Variants in LONRF2 observed in about 807,000 individuals in gnomAD.
The protein encoded by LONRF2 is LON peptidase N-terminal domain and RING finger protein 2.
Under a neutral mutation model 66.6 loss-of-function variants are expected in LONRF2, and 35 were observed. That is an observed-to-expected ratio of 0.53 (90% confidence interval 0.40 to 0.70). The LOEUF (loss-of-function observed/expected upper bound fraction) is 0.70. Ranked by LOEUF, LONRF2 falls within the 30% of genes least tolerant of loss-of-function variation. The pLI is 0.00. For missense variants in LONRF2, 902 were observed against 1,002.1 expected, an observed-to-expected ratio of 0.90 and a Z score of 1.35; for synonymous variants, 417 against 418.1, an observed-to-expected ratio of 1.00 and a Z score of 0.03.
chr2:100,321,686 C>A lies in LONRF2; in HGVS notation c.408G>T (p.Ala136=). The A allele has an allele frequency of 2.4e-6, 3 of 1,245,900 alleles. No homozygotes were observed. In the East Asian group the frequency reaches 1.0e-4, roughly 42 times the overall value. The allele number at this position is 1,245,900 out of a possible 1,614,324, so 77.2% of individuals were successfully genotyped here. A position where few individuals can be genotyped will look rare whatever the true frequency, so the allele number is the denominator to read the frequency against. Residue 136 remains alanine (A), a synonymous_variant, in exon 1 of 12, where the codon GCG becomes GCT. Transcript: ENST00000393437. ...GCGGGCAGCCGAGCAGGTCGCGGGGCGCGCGGGGCTCCGGGGCCGGCCCTC... is the reference window on the plus strand; with the variant it reads ...GCGGGCAGCCGAGCAGGTCGCGGGGAGCGCGGGGCTCCGGGGCCGGCCCTC... ...GEGGPAPEPR[A]PRDLLGCPRC... is the part of the protein sequence containing the mutation.
chr2:100,299,809 G>A lies in LONRF2; in HGVS notation c.1175C>T (p.Pro392Leu), dbSNP rs1253073795. 2.5e-6 allele frequency: 4 copies of A among 1,613,786 alleles called. 1 individual carries two copies. Among genetic ancestry groups the A allele is most frequent in the Middle Eastern group, 3.3e-4 (2 of 6,054 alleles). ...EDKKALESIL[P>L]TAPSAGLKRQ... The stretch of plus-strand genomic sequence containing the variant: ...CTTTAAGCCAGCGCTGGGTGCTGTT[G>A]GAAGGATGCTTTCTAACGCCTTTTT... Residue 392 changes from proline to leucine, a missense_variant, in exon 5 of 12, where the codon CCA becomes CTA. Around this residue, in one of 2 missense-constraint regions of LONRF2, gnomAD observed 585 missense variants for 569.9 expected, o/e 1.03. Coordinates refer to ENST00000393437, the MANE Select transcript of LONRF2 (RefSeq NM_198461.4).
At position 100,322,093 on chromosome 2, in the gene LONRF2, T is replaced by TCACCGCGGGGCTGCGA; in HGVS notation, c.-16_-1dup. The TCACCGCGGGGCTGCGA allele has an allele frequency of 7.9e-7, 1 of 1,265,586 alleles. No individual in the cohort carries two copies. The highest frequency in any genetic ancestry group is 9.9e-7 in the Non-Finnish European group (1 of 1,007,750). 78.4% of individuals were successfully genotyped at this position (1,265,586 alleles called of 1,614,324 possible). A position where few individuals can be genotyped will look rare whatever the true frequency, so the allele number is the denominator to read the frequency against. ...GGCGGCGGGACCGGCTCGGGGCTCA[T>TCACCGCGGGGCTGCGA]CACCGCGGGGCTGCGACGACGCGGG... On this transcript the variant is annotated 5_prime_UTR_variant, in exon 1 of 12. Transcript: ENST00000393437.
At chr2:100,288,965 C>G (rs544816510) in intron 10 of LONRF2, among the ~76,000 whole-genome samples, 6 of 152,146 alleles carry the variant, frequency 3.9e-5, no homozygotes, top group Non-Finnish European at 7.3e-5. Context: ...GAGAATCTCT[C>G]AAAACATTTT....
intron 2 of LONRF2, among the ~76,000 whole-genome samples, chr2:100,308,857 G>A (rs1028601279): frequency 6.6e-6 from 1 of 151,956 alleles, no homozygotes; most frequent in African/African-American, 2.4e-5. Flanking sequence ...TCAATGTAGA[G>A]AGCATATTAT....
At chr2:100,302,877 A>C (rs769298834) in intron 3 of LONRF2, 44 bp downstream of exon 3, 19 of 1,507,072 alleles carry the variant, frequency 1.3e-5, no homozygotes, top group Non-Finnish European at 1.7e-5. Context: ...CATGAAGGCT[A>C]TAAATAAGAC....
At chr2:100,318,059 C>T (rs1675541240) in intron 1 of LONRF2, among the ~76,000 whole-genome samples, 1 of 152,040 alleles carries the variant, frequency 6.6e-6, no homozygotes, top group African/African-American at 2.4e-5. Flanking sequence ...ATTTCTCTTG[C>T]CCTTCCCCTC....
Position 100,284,145 on chromosome 2 carries a change from C to G in LONRF2, c.*153G>C. 3.0e-6 allele frequency: 2 copies of G among 676,906 alleles called. No individual in the cohort carries two copies. Among genetic ancestry groups the G allele is most frequent in the African/African-American group, 3.7e-5 (2 of 54,650 alleles). The allele number at this position is 676,906 out of a possible 1,614,324, so 41.9% of individuals were successfully genotyped here. On this transcript the variant is annotated 3_prime_UTR_variant, in exon 12 of 12. Transcript: ENST00000393437. The stretch of plus-strand genomic sequence containing the variant: ...CAGATCCCACCAGACACAGAATTGT[C>G]ATTTTTGAGGAGGACTCAATGTTTG...
Position 100,321,681 on chromosome 2 carries a change from CG to C in LONRF2, c.412del (p.Arg138AlafsTer17). On this transcript the variant is annotated frameshift_variant, in exon 1 of 12. Coordinates refer to ENST00000393437, the MANE Select transcript of LONRF2 (RefSeq NM_198461.4). LOFTEE classifies it high-confidence loss of function. ...GGPAPEPRAP[R>X]DLLGCPRCRR... ...GCAGCGCGGGCAGCCGAGCAGGTCG[CG>C]GGGCGCGCGGGGCTCCGGGGCCGGC... 8.0e-7 allele frequency: 1 copy of C among 1,246,590 alleles called. No individual in the cohort carries two copies. The highest frequency in any genetic ancestry group is 1.0e-6 in the Non-Finnish European group (1 of 999,480). 77.2% of individuals were successfully genotyped at this position (1,246,590 alleles called of 1,614,324 possible).
At chr2:100,311,976 G>GT (rs1191773507) in intron 1 of LONRF2, among the ~76,000 whole-genome samples, 5 of 152,148 alleles carry the variant, frequency 3.3e-5, no homozygotes, top group Non-Finnish European at 7.4e-5. Context: ...ATATACATAT[G>GT]TAAGACTAGC....
chr2:100,297,832 A>T (rs576943323), intron 7 of LONRF2, among the ~76,000 whole-genome samples: 1 of 152,212 alleles, frequency 6.6e-6, no homozygotes, highest in Non-Finnish European at 1.5e-5. Flanking sequence ...ATGTGCATAC[A>T]ATGTTTTAGA....
rs1215755835 is a variant in LONRF2, at chr2:100,282,610, T to C, written c.*1688A>G. ...TAATGCCTAAGAAAGTTGAATACTA[T>C]TGTTAATGCATAAATTAATAAAATC... is the stretch of plus-strand genomic sequence containing the variant. On this transcript the variant is annotated 3_prime_UTR_variant, in exon 12 of 12. Coordinates refer to ENST00000393437, the MANE Select transcript of LONRF2 (RefSeq NM_198461.4). 1 of 152,240 alleles carries C rather than the reference T, an allele frequency of 6.6e-6. No individual in the cohort carries two copies. Among genetic ancestry groups the C allele is most frequent in the African/African-American group, 2.4e-5 (1 of 41,466 alleles). The allele number at this position is 152,240 out of a possible 1,614,324, so 9.4% of individuals were successfully genotyped here. A position where few individuals can be genotyped will look rare whatever the true frequency, so the allele number is the denominator to read the frequency against.
chr2:100,301,482 C>T (rs1014775778), intron 3 of LONRF2, among the ~76,000 whole-genome samples: 1 of 152,222 alleles, frequency 6.6e-6, no homozygotes, highest in Admixed American at 6.5e-5. Flanking sequence ...AAGGTGAGTG[C>T]GCTAGAATCC....
chr2:100,279,179 A>T lies in LONRF2; in HGVS notation c.*5119T>A, dbSNP rs1454658654. ...TGACACATGAACACCACGAGTCTCT[A>T]CTTATCCTTTACTGAACTATCAGTG... On this transcript the variant is annotated 3_prime_UTR_variant, in exon 12 of 12. Coordinates refer to ENST00000393437, the MANE Select transcript of LONRF2 (RefSeq NM_198461.4). 2 of 151,822 alleles carry T rather than the reference A, an allele frequency of 1.3e-5. No homozygotes were observed. The highest frequency in any genetic ancestry group is 4.8e-5 in the African/African-American group (2 of 41,274). 9.4% of individuals were successfully genotyped at this position (151,822 alleles called of 1,614,324 possible).
intron 7 of LONRF2, among the ~76,000 whole-genome samples, chr2:100,298,257 C>A (rs930541082): frequency 6.6e-6 from 1 of 152,074 alleles, no homozygotes; most frequent in Non-Finnish European, 1.5e-5. Flanking sequence ...CCATACCTAA[C>A]GTAAATGGAT....
intron 6 of LONRF2, 86 bp downstream of exon 6, chr2:100,299,140 G>A (rs1675127780): frequency 9.8e-7 from 1 of 1,015,924 alleles, no homozygotes; most frequent in Non-Finnish European, 1.5e-6. Context: ...TAGTTTCCGT[G>A]ATAATAAAAA....
rs10548679 is a variant in LONRF2, at chr2:100,298,118, TTA to T, written c.1476+716_1476+717del. Among the ~76,000 whole-genome samples the T allele has an allele frequency of 2.2e-3, 336 of 152,324 alleles. 2 individuals carry two copies. Among genetic ancestry groups the T allele is most frequent in the African/African-American group, 7.8e-3 (326 of 41,576 alleles). On this transcript the variant is annotated intron_variant, in intron 7 of 11. Transcript: ENST00000393437. ...AGATACTCCCCACCCCCTTAAGATG[TTA>T]TATGACTTGCTCCATAGAAAGTTCA...
Position 100,322,356 on chromosome 2 carries a change from G to A in LONRF2, c.-263C>T. 1 of 298,396 alleles carries A rather than the reference G, an allele frequency of 3.4e-6. No homozygotes were observed. Among genetic ancestry groups the A allele is most frequent in the African/African-American group, 2.2e-5 (1 of 45,400 alleles). The allele number at this position is 298,396 out of a possible 1,614,324, so 18.5% of individuals were successfully genotyped here. A position where few individuals can be genotyped will look rare whatever the true frequency, so the allele number is the denominator to read the frequency against. On this transcript the variant is annotated 5_prime_UTR_variant, in exon 1 of 12. Coordinates refer to ENST00000393437, the MANE Select transcript of LONRF2 (RefSeq NM_198461.4). ...GGGGGCCGGGACAGGCACCGCGGGC[G>A]CAATCTGAGCCCCTGCCCACGCGCA...
chr2:100,288,798 C>T (rs765167733), intron 10 of LONRF2, among the ~76,000 whole-genome samples: 2 of 152,138 alleles, frequency 1.3e-5, no homozygotes, highest in African/African-American at 2.4e-5. Flanking sequence ...GTTTCATGCA[C>T]GAGTGGTTCA....
At chr2:100,286,331 C>T (rs1209588906) in intron 11 of LONRF2, among the ~76,000 whole-genome samples, 1 of 152,138 alleles carries the variant, frequency 6.6e-6, no homozygotes, top group African/African-American at 2.4e-5. Context: ...CTGGCTCTCC[C>T]ATCTAATGCA....
Sources: gnomAD v4.1 joint callset for allele counts (sites outside exome capture counted in the v4.1 genomes callset) on GRCh38, gnomAD v4.1.1 for gene constraint, gnomAD v4.1.1 regional missense constraint, MANE v1.5 for transcripts, NCBI Gene and HGNC (gene_info 2026-07-23, HGNC 2026-07-21) for gene names.